Variants in RPA4 observed in about 807,000 individuals in gnomAD.
RPA4 encodes the protein replication protein A 30 kDa subunit.
For synonymous variants in RPA4, 88 were observed against 84.4 expected, an observed-to-expected ratio of 1.04 and a Z score of -0.23; for missense variants, 229 against 215.5, an observed-to-expected ratio of 1.06 and a Z score of -0.39.
In RPA4 at chrX:96,885,071, G is replaced by C. The variant is rs1425149634; in HGVS notation, c.761G>C (p.Arg254Pro). The change falls in exon 1 of 1, where the codon CGG (arginine) becomes CCG (proline). Residue 254 changes from arginine to proline, a missense_variant. Coordinates refer to ENST00000373040, the MANE Select transcript of RPA4 (RefSeq NM_013347.4). The stretch of plus-strand genomic sequence containing the variant: ...GGCCACATCTATCCCACTGTGGATC[G>C]GGAGCATTTTAAGTCTGCTGATTGA... ...VEGHIYPTVD[R>P]EHFKSAD 1 of 1,205,988 alleles carries C rather than the reference G, an allele frequency of 8.3e-7. No homozygotes were observed. The highest frequency in any genetic ancestry group is 2.2e-5 in the Admixed American group (1 of 45,477).
chrX:96,885,190 A>T lies in RPA4; in HGVS notation c.*94A>T. The T allele has an allele frequency of 1.3e-6, 1 of 746,116 alleles. No individual in the cohort carries two copies. Among genetic ancestry groups the T allele is most frequent in the South Asian group, 2.8e-5 (1 of 36,279 alleles). The allele number at this position is 746,116 out of a possible 1,213,427, so 61.5% of individuals were successfully genotyped here. ...ACTTTTTAGGAAGTAGGACTAAAAAAAAAAATCTCAAGTGGCATTCTTTGT... is the reference window on the plus strand; with the variant it reads ...ACTTTTTAGGAAGTAGGACTAAAAATAAAAATCTCAAGTGGCATTCTTTGT... On this transcript the variant is annotated 3_prime_UTR_variant, in exon 1 of 1. Coordinates refer to ENST00000373040, the MANE Select transcript of RPA4 (RefSeq NM_013347.4).
rs2065244445 is a variant in RPA4 at position 96,884,539 on chromosome X, G to A, written c.229G>A (p.Val77Met). Reference protein sequence around the residue: ...RGIIVSQVSIVGVIRGAEKAS... With the variant: ...RGIIVSQVSIMGVIRGAEKAS... ...AATTATAGTTTCCCAGGTCTCCATC[G>A]TGGGGGTAATCAGAGGGGCAGAGAA... is the stretch of plus-strand genomic sequence containing the variant. The change falls in exon 1 of 1, where the codon GTG becomes ATG. Residue 77 changes from valine to methionine, a missense_variant. Coordinates refer to ENST00000373040, the MANE Select transcript of RPA4 (RefSeq NM_013347.4). The A allele has an allele frequency of 8.3e-7, 1 of 1,210,810 alleles. No individual in the cohort carries two copies. The highest frequency in any genetic ancestry group is 1.1e-6 in the Non-Finnish European group (1 of 894,938).
chrX:96,884,326 T>C lies in RPA4; in HGVS notation c.16T>C (p.Phe6Leu). ...TGTCTTGAAGATGAGTAAGAGTGGGTTTGGGAGCTATGGCAGCATTTCTGC... is the reference window on the plus strand; with the variant it reads ...TGTCTTGAAGATGAGTAAGAGTGGGCTTGGGAGCTATGGCAGCATTTCTGC... MSKSG[F>L]GSYGSISAAD... The change falls in exon 1 of 1, where the codon TTT becomes CTT. Residue 6 changes from phenylalanine to leucine, a missense_variant. Transcript: ENST00000373040. 2 of 1,208,637 alleles carry C rather than the reference T, an allele frequency of 1.7e-6. No individual in the cohort carries two copies. The highest frequency in any genetic ancestry group is 2.2e-6 in the Non-Finnish European group (2 of 894,184).
chrX:96,885,305 CTG>C lies in RPA4; in HGVS notation c.*211_*212del. On this transcript the variant is annotated 3_prime_UTR_variant, in exon 1 of 1. Transcript: ENST00000373040. The stretch of plus-strand genomic sequence containing the variant: ...GACGGTGATGGATAAATTGACAACT[CTG>C]TAGGATTTACTAGCAAGCTAATGGA... The C allele has an allele frequency of 1.1e-5, 4 of 365,381 alleles. No individual in the cohort carries two copies. Among genetic ancestry groups the C allele is most frequent in the Middle Eastern group, 7.5e-4 (1 of 1,340 alleles). 30.1% of individuals were successfully genotyped at this position (365,381 alleles called of 1,213,427 possible). A position where few individuals can be genotyped will look rare whatever the true frequency, so the allele number is the denominator to read the frequency against.
Position 96,885,015 on chromosome X carries a change from C to A in RPA4, c.705C>A (p.Ile235=). Residue 235 remains isoleucine (I), a synonymous_variant, in exon 1 of 1, where the codon ATC becomes ATA. Coordinates refer to ENST00000373040, the MANE Select transcript of RPA4 (RefSeq NM_013347.4). ...TCTGCGACCTTAGCGTCAAGGCCATCAAGGAAGCGATTGATTATCTGACCG... is the reference window on the plus strand; with the variant it reads ...TCTGCGACCTTAGCGTCAAGGCCATAAAGGAAGCGATTGATTATCTGACCG... ...AQLCDLSVKA[I]KEAIDYLTVE... 8.3e-7 allele frequency: 1 copy of A among 1,210,892 alleles called. No homozygotes were observed. Among genetic ancestry groups the A allele is most frequent in the Non-Finnish European group, 1.1e-6 (1 of 895,079 alleles).
chrX:96,885,194 AATC>A lies in RPA4; in HGVS notation c.*99_*101del. The A allele has an allele frequency of 1.4e-6, 1 of 724,966 alleles. No homozygotes were observed. The highest frequency in any genetic ancestry group is 2.0e-6 in the Non-Finnish European group (1 of 492,499). The allele number at this position is 724,966 out of a possible 1,213,427, so 59.7% of individuals were successfully genotyped here. On this transcript the variant is annotated 3_prime_UTR_variant, in exon 1 of 1. Transcript: ENST00000373040. ...TTTAGGAAGTAGGACTAAAAAAAAA[AATC>A]TCAAGTGGCATTCTTTGTCAACTCG...
Position 96,885,397 on chromosome X carries a change from G to A in RPA4, c.*301G>A, listed in dbSNP as rs189894696. 579 of 137,773 alleles carry A rather than the reference G, an allele frequency of 4.2e-3. 4 individuals carry two copies. Among genetic ancestry groups the A allele is most frequent in the African/African-American group, 0.022 (553 of 25,397 alleles). 11.4% of individuals were successfully genotyped at this position (137,773 alleles called of 1,213,427 possible). ...AAATTTATTATTTAATTGTGTTGGA[G>A]CTTCTTTTTCCAAAAGAAAAACTAG... is the stretch of plus-strand genomic sequence containing the variant. On this transcript the variant is annotated 3_prime_UTR_variant, in exon 1 of 1. Coordinates refer to ENST00000373040, the MANE Select transcript of RPA4 (RefSeq NM_013347.4).
At position 96,885,436 on chromosome X, in the gene RPA4, G is replaced by C; in HGVS notation, c.*340G>C. ...AAGAAAAACTAGTTGCAGTCAGGGA[G>C]CCAGCGAAAAGACAAAAAAAAAAAA... On this transcript the variant is annotated 3_prime_UTR_variant, in exon 1 of 1. Coordinates refer to ENST00000373040, the MANE Select transcript of RPA4 (RefSeq NM_013347.4). 1 of 92,570 alleles carries C rather than the reference G, an allele frequency of 1.1e-5. No individual in the cohort carries two copies. Among genetic ancestry groups the C allele is most frequent in the Non-Finnish European group, 2.1e-5 (1 of 47,214 alleles). The allele number at this position is 92,570 out of a possible 1,213,427, so 7.6% of individuals were successfully genotyped here.
In RPA4 at chrX:96,884,241, A is replaced by T. The variant is rs892529848; in HGVS notation, c.-70A>T. The T allele has an allele frequency of 1.0e-6, 1 of 979,704 alleles. No individual in the cohort carries two copies. The highest frequency in any genetic ancestry group is 3.1e-5 in the East Asian group (1 of 32,002). 80.7% of individuals were successfully genotyped at this position (979,704 alleles called of 1,213,427 possible). A position where few individuals can be genotyped will look rare whatever the true frequency, so the allele number is the denominator to read the frequency against. On this transcript the variant is annotated 5_prime_UTR_variant, in exon 1 of 1. Coordinates refer to ENST00000373040, the MANE Select transcript of RPA4 (RefSeq NM_013347.4). ...GAGAGCTCGAAGCCTTCTGTGGAGA[A>T]CTCAAAGCCGTCCGTGGAGCCCCAG...
chrX:96,884,612 C>A lies in RPA4; in HGVS notation c.302C>A (p.Pro101Gln), dbSNP rs775077220. 9.9e-6 allele frequency: 12 copies of A among 1,210,163 alleles called. No homozygotes were observed. The highest frequency in any genetic ancestry group is 3.5e-5 in the South Asian group (2 of 56,830). Residue 101 changes from proline (P) to glutamine (Q), a missense_variant, in exon 1 of 1, where the codon CCA becomes CAA. By Grantham distance (76) the Pro-to-Gln change is moderately conservative (BLOSUM62 -1). Transcript: ENST00000373040. The part of the protein sequence containing the change: ...CYKIDDMTAK[P>Q]IEARQWFGRE... Reference sequence around the variant, plus strand: ...AAAATTGATGATATGACCGCGAAACCAATCGAGGCCCGACAGTGGTTTGGT... The same window carrying A: ...AAAATTGATGATATGACCGCGAAACAAATCGAGGCCCGACAGTGGTTTGGT...
Position 96,884,630 on chromosome X carries a change from G to T in RPA4, c.320G>T (p.Trp107Leu). Reference protein sequence around the residue: ...MTAKPIEARQWFGREKVKQVT... With the variant: ...MTAKPIEARQLFGREKVKQVT... ...GCGAAACCAATCGAGGCCCGACAGT[G>T]GTTTGGTAGAGAGAAAGTCAAGCAG... The change falls in exon 1 of 1, where the codon TGG becomes TTG. Residue 107 changes from tryptophan to leucine, a missense_variant. By Grantham distance (61) the Trp-to-Leu change is moderately conservative. Transcript: ENST00000373040. 8.3e-7 allele frequency: 1 copy of T among 1,210,649 alleles called. No individual in the cohort carries two copies. Among genetic ancestry groups the T allele is most frequent in the Admixed American group, 2.2e-5 (1 of 45,886 alleles).
In RPA4 at chrX:96,884,591, TTGA is replaced by T. The variant is rs2147751210; in HGVS notation, c.286_288del (p.Asp96del). The stretch of plus-strand genomic sequence containing the variant: ...GCTTCAAATCACATTTGTTACAAAA[TTGA>T]TGATATGACCGCGAAACCAATCGAG... On this transcript the variant is annotated inframe_deletion, in exon 1 of 1. Transcript: ENST00000373040. 8.3e-7 allele frequency: 1 copy of T among 1,210,616 alleles called. No individual in the cohort carries two copies. The highest frequency in any genetic ancestry group is 1.1e-6 in the Non-Finnish European group (1 of 895,317).
rs1323704868 is a variant in RPA4, at chrX:96,885,024, G to A, written c.714G>A (p.Ala238=). Residue 238 remains alanine, a synonymous_variant, in exon 1 of 1, where the codon GCG becomes GCA. Transcript: ENST00000373040. ...CDLSVKAIKE[A]IDYLTVEGHI... Reference sequence around the variant, plus strand: ...TTAGCGTCAAGGCCATCAAGGAAGCGATTGATTATCTGACCGTTGAGGGCC... The same window carrying A: ...TTAGCGTCAAGGCCATCAAGGAAGCAATTGATTATCTGACCGTTGAGGGCC... 2.5e-6 allele frequency: 3 copies of A among 1,208,809 alleles called. No individual in the cohort carries two copies. Among genetic ancestry groups the A allele is most frequent in the African/African-American group, 3.5e-5 (2 of 56,870 alleles).
Position 96,885,186 on chromosome X carries a change from A to G in RPA4, c.*90A>G. 1 of 764,736 alleles carries G rather than the reference A, an allele frequency of 1.3e-6. No individual in the cohort carries two copies. The allele number at this position is 764,736 out of a possible 1,213,427, so 63.0% of individuals were successfully genotyped here. ...GTTGACTTTTTAGGAAGTAGGACTA[A>G]AAAAAAAAATCTCAAGTGGCATTCT... On this transcript the variant is annotated 3_prime_UTR_variant, in exon 1 of 1. Transcript: ENST00000373040.
Position 96,885,285 on chromosome X carries a change from T to C in RPA4, c.*189T>C, listed in dbSNP as rs931679096. ...GTATTTGAAGCTCAGAGAGAGACGG[T>C]GATGGATAAATTGACAACTCTGTAG... On this transcript the variant is annotated 3_prime_UTR_variant, in exon 1 of 1. Coordinates refer to ENST00000373040, the MANE Select transcript of RPA4 (RefSeq NM_013347.4). The C allele has an allele frequency of 6.9e-5, 29 of 422,008 alleles. No individual in the cohort carries two copies. Among genetic ancestry groups the C allele is most frequent in the South Asian group, 1.8e-4 (4 of 22,046 alleles). 34.8% of individuals were successfully genotyped at this position (422,008 alleles called of 1,213,427 possible).
At position 96,884,556 on chromosome X, in the gene RPA4, G is replaced by T; in HGVS notation, c.246G>T (p.Gly82=). 1 of 1,210,699 alleles carries T rather than the reference G, an allele frequency of 8.3e-7. No homozygotes were observed. Among genetic ancestry groups the T allele is most frequent in the Non-Finnish European group, 1.1e-6 (1 of 895,259 alleles). ...TCTCCATCGTGGGGGTAATCAGAGG[G>T]GCAGAGAAGGCTTCAAATCACATTT... ...SQVSIVGVIR[G]AEKASNHICY... Residue 82 remains glycine (G), a synonymous_variant, in exon 1 of 1, where the codon GGG becomes GGT. Coordinates refer to ENST00000373040, the MANE Select transcript of RPA4 (RefSeq NM_013347.4).
At position 96,884,599 on chromosome X, in the gene RPA4, A is replaced by G. The variant is rs1243052787; in HGVS notation, c.289A>G (p.Met97Val). Residue 97 changes from methionine to valine, a missense_variant, in exon 1 of 1, where the codon ATG becomes GTG. Physicochemically the swap from Met to Val is conservative, Grantham distance 21. Transcript: ENST00000373040. Reference sequence around the variant, plus strand: ...TCACATTTGTTACAAAATTGATGATATGACCGCGAAACCAATCGAGGCCCG... The same window carrying G: ...TCACATTTGTTACAAAATTGATGATGTGACCGCGAAACCAATCGAGGCCCG... ...SNHICYKIDD[M>V]TAKPIEARQW... 8.3e-6 allele frequency: 10 copies of G among 1,210,536 alleles called. No homozygotes were observed. The highest frequency in any genetic ancestry group is 1.1e-5 in the Non-Finnish European group (10 of 895,301).
rs1306575495 is a variant in RPA4 at position 96,885,112 on chromosome X, C to G, written c.*16C>G. On this transcript the variant is annotated 3_prime_UTR_variant, in exon 1 of 1. Transcript: ENST00000373040. Reference sequence around the variant, plus strand: ...TGCTGATTGAGGCAGGGAAAACATCCTTTCATTTTTCGAAGACCCTTGCAT... The same window carrying G: ...TGCTGATTGAGGCAGGGAAAACATCGTTTCATTTTTCGAAGACCCTTGCAT... 3 of 1,187,887 alleles carry G rather than the reference C, an allele frequency of 2.5e-6. No individual in the cohort carries two copies.
chrX:96,884,300 C>T lies in RPA4; in HGVS notation c.-11C>T, dbSNP rs1212663336. Reference sequence around the variant, plus strand: ...AAGCCCACCTTCTCCTCAGCCTGAGCTGTCTTGAAGATGAGTAAGAGTGGG... The same window carrying T: ...AAGCCCACCTTCTCCTCAGCCTGAGTTGTCTTGAAGATGAGTAAGAGTGGG... On this transcript the variant is annotated 5_prime_UTR_variant, in exon 1 of 1. Coordinates refer to ENST00000373040, the MANE Select transcript of RPA4 (RefSeq NM_013347.4). 3.3e-6 allele frequency: 4 copies of T among 1,199,184 alleles called. No homozygotes were observed. Among genetic ancestry groups the T allele is most frequent in the Non-Finnish European group, 4.5e-6 (4 of 889,742 alleles).
Sources: allele counts gnomAD v4.1 joint callset, GRCh38; gene constraint gnomAD v4.1.1; transcripts MANE v1.5; gene names NCBI Gene and HGNC (gene_info 2026-07-23, HGNC 2026-07-21).